The following ABL1 variants were observed in gnomAD, a reference collection of about 807,000 sequenced individuals.
ABL1 encodes ABL proto-oncogene 1, non-receptor tyrosine kinase, also known as tyrosine-protein kinase ABL1.
ABL1 carries 11 observed loss-of-function variants against 94.7 expected under a neutral mutation model. The observed-to-expected ratio is 0.12, with a 90% CI of 0.07 to 0.19. ABL1 has a LOEUF of 0.19. ABL1 is among the 10% of genes least tolerant of loss of function. The pLI is 1.00. For synonymous variants in ABL1, 656 were observed against 622.4 expected (o/e 1.05, Z -0.80); for missense variants, 1,082 against 1,489.4 (o/e 0.73, Z 4.50).
chr9:130,865,118 C>G (rs898131445), intron 4 of ABL1, among the ~76,000 whole-genome samples: 6 of 152,170 alleles, frequency 3.9e-5, no homozygotes, highest in Admixed American at 2.6e-4. Context: ...GGGTGCCTTT[C>G]AGAATGTGCT....
intron 1 of ABL1, among the ~76,000 whole-genome samples, chr9:130,745,151 C>A (rs2132718373): frequency 7.0e-6 from 1 of 142,134 alleles, no homozygotes; most frequent in Admixed American, 7.3e-5. Context: ...ATGGTGTGAT[C>A]TCGGCTTACT....
At chr9:130,802,448 G>A (rs1431646814) in intron 1 of ABL1, among the ~76,000 whole-genome samples, 2 of 151,890 alleles carry the variant, frequency 1.3e-5, no homozygotes, top group Non-Finnish European at 2.9e-5. Flanking sequence ...CATCTTTTTT[G>A]AAATGCACAT....
At chr9:130,800,120 C>T (rs1830035819) in intron 1 of ABL1, among the ~76,000 whole-genome samples, 1 of 152,124 alleles carries the variant, frequency 6.6e-6, no homozygotes, top group African/African-American at 2.4e-5. Context: ...GATCCACACG[C>T]CTCAGCCTTC....
At position 130,757,845 on chromosome 9, in the gene ABL1, A is replaced by AT. The variant is rs570525377; in HGVS notation, c.136+43398dup. Among the ~76,000 whole-genome samples the AT allele has an allele frequency of 7.2e-3, 1,094 of 151,792 alleles. 21 individuals are homozygous for AT. The highest frequency in any genetic ancestry group is 0.026 in the African/African-American group (1,067 of 41,386). ...CATGAGCCACTGCGCCCGGCCAGGC[A>AT]TTTTTTTTATGTGTGTCTCAAATAA... On this transcript the variant is annotated intron_variant, in intron 1 of 10. Coordinates refer to the ABL1 transcript ENST00000372348.
intron 3 of ABL1, among the ~76,000 whole-genome samples, chr9:130,857,778 G>A (rs569935955): frequency 6.9e-4 from 105 of 152,116 alleles, no homozygotes; most frequent in African/African-American, 2.5e-3. Flanking sequence ...TTCCACCACT[G>A]CAGAATTCTT....
At chr9:130,776,393 C>T (rs1001559922) in intron 1 of ABL1, among the ~76,000 whole-genome samples, 8 of 152,126 alleles carry the variant, frequency 5.3e-5, no homozygotes, top group Admixed American at 6.5e-5. Flanking sequence ...GTCAGGCGTT[C>T]GAGACCAGCC....
At chr9:130,771,758 T>TCTTTCTTTCTTTCTTTC (rs1213701461) in intron 1 of ABL1, among the ~76,000 whole-genome samples, 1 of 143,764 alleles carries the variant, frequency 7.0e-6, no homozygotes, top group African/African-American at 2.6e-5. Context: ...CTTTCTTTTT[T>TCTTTCTTTCTTTCTTTC]TTTTTTTTTT....
intron 1 of ABL1, among the ~76,000 whole-genome samples, chr9:130,736,258 T>C (rs1159901991): frequency 6.6e-6 from 1 of 151,490 alleles, no homozygotes; most frequent in Non-Finnish European, 1.5e-5. Context: ...CCTGTATTAA[T>C]ATAGAGTAAT....
intron 1 of ABL1, among the ~76,000 whole-genome samples, chr9:130,782,222 C>A (rs993368143): frequency 1.3e-5 from 2 of 151,970 alleles, no homozygotes; most frequent in African/African-American, 4.8e-5. Context: ...CCATGCCTGG[C>A]CAATTTTTTT....
At chr9:130,851,101 T>G (rs1285357424) in intron 1 of ABL1, among the ~76,000 whole-genome samples, 2 of 152,074 alleles carry the variant, frequency 1.3e-5, no homozygotes, top group African/African-American at 4.8e-5. Context: ...TTTTTTTGTA[T>G]TTTTAGTAGA....
chr9:130,773,351 A>G (rs187840889), intron 1 of ABL1, among the ~76,000 whole-genome samples: 56 of 151,978 alleles, frequency 3.7e-4, no homozygotes, highest in Middle Eastern at 3.4e-3. Context: ...AAATAAATAA[A>G]AAATAAAAGA....
At chr9:130,742,474 C>A (rs1831832159) in intron 1 of ABL1, among the ~76,000 whole-genome samples, 1 of 152,122 alleles carries the variant, frequency 6.6e-6, no homozygotes, top group Non-Finnish European at 1.5e-5. Flanking sequence ...CTTAAATAAC[C>A]CATCTTAGCT....
intron 1 of ABL1, among the ~76,000 whole-genome samples, chr9:130,781,958 T>C (rs993089028): frequency 2.0e-5 from 3 of 152,236 alleles, no homozygotes; most frequent in African/African-American, 7.2e-5. Flanking sequence ...TGTACGTATA[T>C]ACATCACATT....
chr9:130,779,514 A>C (rs1407893547), intron 1 of ABL1, among the ~76,000 whole-genome samples: 1 of 152,242 alleles, frequency 6.6e-6, no homozygotes, highest in South Asian at 2.1e-4. Context: ...GAGATATATT[A>C]AAGTCTTTAT....
In ABL1 at chr9:130,887,629, T is replaced by C. The variant is rs1259459173; in HGVS notation, c.*1946T>C. ...CTCTGTGGTTTTTTTTGAATCCAAATCTGTCCTCTGTAGTATTTTTTAAAT... is the reference window on the plus strand; with the variant it reads ...CTCTGTGGTTTTTTTTGAATCCAAACCTGTCCTCTGTAGTATTTTTTAAAT... On this transcript the variant is annotated 3_prime_UTR_variant, in exon 11 of 11. Transcript: ENST00000318560. 4.4e-6 allele frequency: 1 copy of C among 229,598 alleles called. No homozygotes were observed. The allele number at this position is 229,598 out of a possible 1,614,324, so 14.2% of individuals were successfully genotyped here. A position where few individuals can be genotyped will look rare whatever the true frequency, so the allele number is the denominator to read the frequency against.
At chr9:130,819,532 C>CTTT (rs34341889) in intron 1 of ABL1, among the ~76,000 whole-genome samples, 44 of 96,256 alleles carry the variant, frequency 4.6e-4, no homozygotes, top group Non-Finnish European at 6.2e-4. Flanking sequence ...AGAAAAATAC[C>CTTT]TTTTTTTTTT....
intron 1 of ABL1, chr9:130,724,747 T>TG (rs769873923): frequency 3.4e-6 from 1 of 291,412 alleles, no homozygotes; most frequent in Admixed American, 3.6e-5. Flanking sequence ...ACCCTGTCTT[T>TG]AAAAAAAAAA....
intron 1 of ABL1, among the ~76,000 whole-genome samples, chr9:130,802,694 T>C (rs1397616266): frequency 1.3e-5 from 2 of 152,222 alleles, no homozygotes; most frequent in Non-Finnish European, 1.5e-5. Context: ...CAGCATTTTG[T>C]TGATCTGCAG....
chr9:130,885,447 C>T lies in ABL1; in HGVS notation c.3157C>T (p.His1053Tyr), dbSNP rs139573337. ...TAGGAACTCCGAGCAGATGGCCAGC[C>T]ACAGCGCAGTGCTGGAGGCCGGCAA... ...ISRNSEQMAS[H>Y]SAVLEAGKNL... The change falls in exon 11 of 11, where the codon CAC becomes TAC. Residue 1053 changes from histidine to tyrosine, a missense_variant. Around this residue, in one of 7 missense-constraint regions of ABL1, gnomAD observed 780 missense variants for 835.8 expected, o/e 0.93. Coordinates refer to ENST00000318560, the MANE Select transcript of ABL1 (RefSeq NM_005157.6). 2.3e-5 allele frequency: 37 copies of T among 1,613,938 alleles called. No homozygotes were observed. The highest frequency in any genetic ancestry group is 3.1e-5 in the Non-Finnish European group (36 of 1,180,050).
Sources: gnomAD v4.1 joint callset for allele counts (sites outside exome capture counted in the v4.1 genomes callset) on GRCh38, gnomAD v4.1.1 for gene constraint, gnomAD v4.1.1 regional missense constraint, MANE v1.5 for transcripts, NCBI Gene and HGNC (gene_info 2026-07-23, HGNC 2026-07-21) for gene names.